PASD1: variants seen among roughly 807,000 people sequenced by gnomAD.
PASD1 encodes the protein circadian clock protein PASD1.
A neutral mutation model predicts 58.8 loss-of-function variants in PASD1; 13 were observed. The ratio of observed to expected loss-of-function variants is 0.22; its 90% CI spans 0.14 to 0.35. The LOEUF (loss-of-function observed/expected upper bound fraction) is 0.35, where lower values mean the gene tolerates loss of function less well. PASD1 is among the 10% of genes least tolerant of loss of function. The pLI is 1.00. For synonymous variants in PASD1, 236 were observed against 216.7 expected (o/e 1.09, Z -0.78); for missense variants, 734 against 568.3 (o/e 1.29, Z -2.96).
At chrX:151,646,619 C>T (rs2014063840) in intron 8 of PASD1, among the ~76,000 whole-genome samples, 1 of 112,559 alleles carries the variant, frequency 8.9e-6, no homozygotes, top group African/African-American at 3.2e-5. Flanking sequence ...TTGTTTATCT[C>T]AGATATAAAG....
At chrX:151,601,401 A>T in intron 1 of PASD1, 126 bp from the exon 2 acceptor site, 1 of 463,086 alleles carries the variant, frequency 2.2e-6, no homozygotes, top group Non-Finnish European at 3.7e-6. Flanking sequence ...GCCTATCTTT[A>T]AAAGAAGTAG....
At chrX:151,588,593 G>A (rs952230255) in intron 1 of PASD1, among the ~76,000 whole-genome samples, 11 of 111,318 alleles carry the variant, frequency 9.9e-5, no homozygotes, top group African/African-American at 3.6e-4. Flanking sequence ...ACATTTCTGG[G>A]TGCTGCTGAA....
chrX:151,620,708 A>T (rs1277521144), intron 4 of PASD1, among the ~76,000 whole-genome samples: 1 of 111,044 alleles, frequency 9.0e-6, no homozygotes, highest in Non-Finnish European at 1.9e-5. Flanking sequence ...TGGTAGAGGG[A>T]AAGAGCACAT....
At chrX:151,594,576 T>C (rs1373651226) in intron 1 of PASD1, among the ~76,000 whole-genome samples, 2 of 112,181 alleles carry the variant, frequency 1.8e-5, no homozygotes, top group African/African-American at 3.2e-5. Flanking sequence ...ATTTCTATTT[T>C]CCACCCTCCC....
At chrX:151,621,675 G>T in intron 6 of PASD1, 83 bp downstream of exon 6, 1 of 606,475 alleles carries the variant, frequency 1.6e-6, no homozygotes, top group South Asian at 4.2e-5. Flanking sequence ...TCTTCTGCTT[G>T]GTACTTGCAA....
At chrX:151,565,141 T>C (rs1371747506) in intron 1 of PASD1, among the ~76,000 whole-genome samples, 3 of 112,003 alleles carry the variant, frequency 2.7e-5, no homozygotes, top group Non-Finnish European at 5.6e-5. Flanking sequence ...TTCTCTAACC[T>C]TAGTTCTTTC....
chrX:151,585,793 G>C (rs1234837863), intron 1 of PASD1, among the ~76,000 whole-genome samples: 1 of 111,889 alleles, frequency 8.9e-6, no homozygotes, highest in Non-Finnish European at 1.9e-5. Context: ...TAATATCCAG[G>C]TAAATATGAA....
Position 151,676,154 on chromosome X carries a change from A to G in PASD1, c.*11A>G, listed in dbSNP as rs748150610. 1 of 1,193,520 alleles carries G rather than the reference A, an allele frequency of 8.4e-7. No individual in the cohort carries two copies. The highest frequency in any genetic ancestry group is 1.8e-5 in the South Asian group (1 of 54,106). ...AATAAGCCGTGCTAACAGTACTTTC[A>G]TGACCAGTGATGAGGGGAAATGGGG... On this transcript the variant is annotated 3_prime_UTR_variant, in exon 16 of 16. Transcript: ENST00000370357.
chrX:151,589,521 G>A (rs1048934586), intron 1 of PASD1, among the ~76,000 whole-genome samples: 4 of 112,233 alleles, frequency 3.6e-5, no homozygotes, highest in Admixed American at 2.8e-4. Flanking sequence ...CTATGAGTCA[G>A]TCATAGTGCT....
intron 7 of PASD1, among the ~76,000 whole-genome samples, chrX:151,623,912 A>G (rs2013750812): frequency 8.9e-6 from 1 of 111,796 alleles, no homozygotes; most frequent in Admixed American, 9.5e-5. Context: ...GAAAGGGGGA[A>G]GGAGCAGCAG....
rs1362791658 is a variant in PASD1 at position 151,599,480 on chromosome X, C to T, written c.-27-2047C>T. 7.3e-5 allele frequency among the ~76,000 whole-genome samples: 8 copies of T among 109,508 alleles called. No individual in the cohort carries two copies. The East Asian group carries it at 1.8e-3, about 24-fold the overall frequency. ...GCCACCTCCCGGACTGGGCGGCTGC[C>T]GGGCGGAGACGCTCCTCACTTCCCA... is the stretch of plus-strand genomic sequence containing the variant. On this transcript the variant is annotated intron_variant, in intron 1 of 15. Transcript: ENST00000370357.
At chrX:151,661,776 C>T (rs1320398425) in intron 10 of PASD1, among the ~76,000 whole-genome samples, 3 of 108,419 alleles carry the variant, frequency 2.8e-5, no homozygotes, top group Non-Finnish European at 3.8e-5. Context: ...TTTTATCATC[C>T]GATACTTTTG....
intron 12 of PASD1, 119 bp from the exon 13 acceptor site, chrX:151,671,454 T>C (rs991808783): frequency 3.3e-6 from 3 of 904,728 alleles, no homozygotes; most frequent in East Asian, 3.1e-5. Context: ...GGCTTATATA[T>C]AGCCAAGGCT....
At chrX:151,656,075 CT>C (rs1482565428) in intron 9 of PASD1, among the ~76,000 whole-genome samples, 8 of 112,171 alleles carry the variant, frequency 7.1e-5, no homozygotes, top group African/African-American at 2.6e-4. Flanking sequence ...CAACATATGT[CT>C]AGCCAGTTTT....
intron 1 of PASD1, among the ~76,000 whole-genome samples, chrX:151,587,611 C>T (rs1010914908): frequency 2.2e-4 from 5 of 22,982 alleles, no homozygotes; most frequent in Non-Finnish European, 1.2e-3. Context: ...TCCCTCACAA[C>T]GTTGGCTCAG....
intron 4 of PASD1, among the ~76,000 whole-genome samples, chrX:151,617,513 G>A (rs2013651326): frequency 9.0e-6 from 1 of 111,226 alleles, no homozygotes; most frequent in Non-Finnish European, 1.9e-5. Flanking sequence ...CTCTTGTTAG[G>A]GTATTATTTT....
At chrX:151,666,653 T>G (rs1482811093) in intron 11 of PASD1, among the ~76,000 whole-genome samples, 6 of 86,906 alleles carry the variant, frequency 6.9e-5, no homozygotes, top group African/African-American at 2.6e-4. Context: ...TTTGTCCTTG[T>G]GATAGTATGC....
rs183601776 is a variant in PASD1, at chrX:151,603,937, T to C, written c.29-709T>C. ...TTCTGTGAGGAGAAGGAACTAATGTTTATTGACATGAAGCATTAAAATCAC... is the reference window on the plus strand; with the variant it reads ...TTCTGTGAGGAGAAGGAACTAATGTCTATTGACATGAAGCATTAAAATCAC... On this transcript the variant is annotated intron_variant, in intron 2 of 15. Coordinates refer to ENST00000370357, the MANE Select transcript of PASD1 (RefSeq NM_173493.3). Among the ~76,000 whole-genome samples, 50 of 112,077 alleles carry C rather than the reference T, an allele frequency of 4.5e-4. No individual in the cohort carries two copies. In the East Asian group the frequency reaches 0.013, roughly 30 times the overall value.
intron 4 of PASD1, 95 bp from the exon 5 acceptor site, chrX:151,620,835 A>G: frequency 2.0e-6 from 1 of 497,112 alleles, no homozygotes; most frequent in South Asian, 4.4e-5. Context: ...GTAAGGAGAT[A>G]GAGGAACTGA....
Sources: gnomAD v4.1 joint callset for allele counts (sites outside exome capture counted in the v4.1 genomes callset) on GRCh38, gnomAD v4.1.1 for gene constraint, MANE v1.5 for transcripts, NCBI Gene and HGNC (gene_info 2026-07-23, HGNC 2026-07-21) for gene names.